Variants in ALMS1 observed in about 807,000 individuals in gnomAD.
ALMS1 encodes centrosome-associated protein ALMS1.
ALMS1 carries 271 observed loss-of-function variants against 352.2 expected under a neutral mutation model. The observed-to-expected ratio is 0.77, with a 90% confidence interval of 0.70 to 0.85. The LOEUF (loss-of-function observed/expected upper bound fraction) is 0.85, where lower values mean the gene tolerates loss of function less well. Ranked by LOEUF, ALMS1 falls within the 40% of genes least tolerant of loss-of-function variation. ALMS1 has a pLI of 0.00. For missense variants in ALMS1, 5,445 were observed against 4,870.7 expected, an observed-to-expected ratio of 1.12 and a Z score of -3.51; for synonymous variants, 1,865 against 1,761.2, an observed-to-expected ratio of 1.06 and a Z score of -1.48.
chr2:73,547,091 T>G (rs1180470783), intron 12 of ALMS1, among the ~76,000 whole-genome samples: 3 of 152,252 alleles, frequency 2.0e-5, no homozygotes, highest in African/African-American at 7.2e-5. Flanking sequence ...ATGAACTATT[T>G]GATACTGTAT....
At chr2:73,608,280 A>C (rs765422399) in intron 21 of ALMS1, among the ~76,000 whole-genome samples, 195 bp from the exon 22 acceptor site, 2 of 151,970 alleles carry the variant, frequency 1.3e-5, no homozygotes, top group Non-Finnish European at 2.9e-5. Context: ...GTTTGTATTT[A>C]TCTCCCCTTC....
intron 1 of ALMS1, among the ~76,000 whole-genome samples, chr2:73,394,433 C>T (rs1224335682): frequency 6.6e-6 from 1 of 152,118 alleles, no homozygotes; most frequent in Non-Finnish European, 1.5e-5. Flanking sequence ...CTCACTGAAA[C>T]CTCTGCCTCC....
chr2:73,402,270 CTTTTT>C (rs61360284), intron 1 of ALMS1, among the ~76,000 whole-genome samples: 1 of 122,832 alleles, frequency 8.1e-6, no homozygotes, highest in African/African-American at 3.1e-5. Context: ...TTCTCTCTCT[CTTTTT>C]TTTTTTTTTT....
At chr2:73,495,610 C>G (rs1473656719) in intron 10 of ALMS1, among the ~76,000 whole-genome samples, 1 of 152,008 alleles carries the variant, frequency 6.6e-6, no homozygotes, top group Non-Finnish European at 1.5e-5. Context: ...CTGGCATGCT[C>G]ATTGCTGGTG....
rs554074533 is a variant in ALMS1 at position 73,461,588 on chromosome 2, G to A, written c.7674+6293G>A. Among the ~76,000 whole-genome samples the A allele has an allele frequency of 1.4e-3, 213 of 152,306 alleles. 1 individual carries two copies. The highest frequency in any genetic ancestry group is 4.7e-3 in the African/African-American group (197 of 41,562). ...AGGAACGCAGCTCCTCAGCAGCAAC[G>A]GAACAAAGCTGGATGGACAATGACT... is the stretch of plus-strand genomic sequence containing the variant. On this transcript the variant is annotated intron_variant, in intron 9 of 22. Coordinates refer to ENST00000613296, the MANE Select transcript of ALMS1 (RefSeq NM_001378454.1).
chr2:73,475,973 G>A (rs1266217494), intron 9 of ALMS1, among the ~76,000 whole-genome samples: 1 of 151,726 alleles, frequency 6.6e-6, no homozygotes, highest in African/African-American at 2.4e-5. Flanking sequence ...CATTCATATT[G>A]TTGTTTAACC....
rs1282200470 is a variant in ALMS1, at chr2:73,450,537, C to T, written c.4010C>T (p.Thr1337Ile). 6.2e-7 allele frequency: 1 copy of T among 1,612,538 alleles called. No individual in the cohort carries two copies. Among genetic ancestry groups the T allele is most frequent in the African/African-American group, 1.3e-5 (1 of 74,358 alleles). The change falls in exon 8 of 23, where the codon ACA becomes ATA. Residue 1337 changes from threonine (T) to isoleucine (I), a missense_variant. Coordinates refer to ENST00000613296, the MANE Select transcript of ALMS1 (RefSeq NM_001378454.1). Reference protein sequence around the residue: ...PILPSTFYSHTEKPGVFYQQV... With the variant: ...PILPSTFYSHIEKPGVFYQQV... Reference sequence around the variant, plus strand: ...TTACCCTCTACTTTCTACTCACACACAGAGAAGCCTGGTGTTTTCTACCAA... The same window carrying T: ...TTACCCTCTACTTTCTACTCACACATAGAGAAGCCTGGTGTTTTCTACCAA...
At position 73,489,863 on chromosome 2, in the gene ALMS1, A is replaced by C; in HGVS notation, c.7904A>C (p.Gln2635Pro). ...GTCAACCTTTCTGCATCCTTAGACC[A>C]GAACAACTCCCATTTCAAAGTTTGG... ...KHVNLSASLD[Q>P]NNSHFKVWNS... Residue 2635 changes from glutamine (Q) to proline (P), a missense_variant, in exon 10 of 23, where the codon CAG becomes CCG. Gln to Pro is a moderately conservative substitution (Grantham distance 76). Transcript: ENST00000613296. The C allele has an allele frequency of 1.2e-6, 2 of 1,614,226 alleles. No homozygotes were observed. Among genetic ancestry groups the C allele is most frequent in the Non-Finnish European group, 1.7e-6 (2 of 1,180,038 alleles).
At chr2:73,474,403 G>GTGTGTC (rs1553407465) in intron 9 of ALMS1, among the ~76,000 whole-genome samples, 7,782 of 99,312 alleles carry the variant, frequency 0.078, 884 homozygotes, top group African/African-American at 0.25. Context: ...GTGTGTGTGT[G>GTGTGTC]TGTGTGTCTA....
chr2:73,596,702 G>T (rs1347271711), intron 16 of ALMS1, among the ~76,000 whole-genome samples: 1 of 151,642 alleles, frequency 6.6e-6, no homozygotes, highest in African/African-American at 2.4e-5. Context: ...GAACTCCTGA[G>T]TTTGTCATCT....
At chr2:73,493,839 CAG>C (rs369951849) in intron 10 of ALMS1, among the ~76,000 whole-genome samples, 1 of 152,326 alleles carries the variant, frequency 6.6e-6, no homozygotes, top group African/African-American at 2.4e-5. Context: ...AGAAATAGCA[CAG>C]AGAGTTTCTG....
At chr2:73,521,580 C>CAAAAAAAAAAA (rs565126393) in intron 11 of ALMS1, among the ~76,000 whole-genome samples, 1 of 94,892 alleles carries the variant, frequency 1.1e-5, no homozygotes, top group South Asian at 4.1e-4. Context: ...ACTAAAAATA[C>CAAAAAAAAAAA]AAAAAAAAAA....
chr2:73,408,703 G>A lies in ALMS1; in HGVS notation c.406G>A (p.Val136Ile), dbSNP rs1187456366. The A allele has an allele frequency of 1.9e-6, 3 of 1,613,372 alleles. No homozygotes were observed. The highest frequency in any genetic ancestry group is 2.5e-6 in the Non-Finnish European group (3 of 1,179,808). The change falls in exon 2 of 23, where the codon GTC becomes ATC. Residue 136 changes from valine to isoleucine, a missense_variant. Physicochemically the swap from Val to Ile is conservative, Grantham distance 29. Transcript: ENST00000613296. ...AACACAAATTTCTGATACTAATGTG[G>A]TCTGTTTGGAAACAACAGCTCAGCG... is the stretch of plus-strand genomic sequence containing the variant. ...SRTQISDTNV[V>I]CLETTAQRGS...
At chr2:73,467,857 C>T (rs1482810355) in intron 9 of ALMS1, among the ~76,000 whole-genome samples, 1 of 151,980 alleles carries the variant, frequency 6.6e-6, no homozygotes, top group Non-Finnish European at 1.5e-5. Context: ...TGAATAATTC[C>T]ATTCATATGA....
At chr2:73,501,471 T>G (rs1673217078) in intron 10 of ALMS1, among the ~76,000 whole-genome samples, 2 of 152,148 alleles carry the variant, frequency 1.3e-5, no homozygotes, top group Admixed American at 1.3e-4. Flanking sequence ...GTGATCTGTT[T>G]CCAAATTCTC....
At position 73,386,094 on chromosome 2, in the gene ALMS1, G is replaced by T; in HGVS notation, c.226G>T (p.Ala76Ser). The change falls in exon 1 of 23, where the codon GCC (alanine) becomes TCC (serine). Residue 76 changes from alanine to serine, a missense_variant. Physicochemically the swap from Ala to Ser is moderately conservative, Grantham distance 99. Coordinates refer to ENST00000613296, the MANE Select transcript of ALMS1 (RefSeq NM_001378454.1). ...TATAGACGACGAGGAGGACGAGGAG[G>T]CCAAGGCCTGGCTGCAGGCGCACCC... is the stretch of plus-strand genomic sequence containing the variant. ...ESIDDEEDEE[A>S]KAWLQAHPGR... The T allele has an allele frequency of 6.3e-7, 1 of 1,595,172 alleles. No homozygotes were observed. The highest frequency in any genetic ancestry group is 8.5e-7 in the Non-Finnish European group (1 of 1,171,490).
chr2:73,467,689 T>A (rs556673718), intron 9 of ALMS1, among the ~76,000 whole-genome samples: 8 of 152,140 alleles, frequency 5.3e-5, no homozygotes, highest in Non-Finnish European at 7.4e-5. Flanking sequence ...ACTACATAAA[T>A]GTATATCAAG....
intron 15 of ALMS1, among the ~76,000 whole-genome samples, chr2:73,566,496 C>G (rs1199185055): frequency 6.6e-6 from 1 of 152,236 alleles, no homozygotes; most frequent in Non-Finnish European, 1.5e-5. Flanking sequence ...CATCATACTA[C>G]TCACAACGAC....
At chr2:73,482,567 T>G (rs1182001460) in intron 9 of ALMS1, among the ~76,000 whole-genome samples, 1 of 152,214 alleles carries the variant, frequency 6.6e-6, no homozygotes, top group Non-Finnish European at 1.5e-5. Flanking sequence ...TGCCTGGCTT[T>G]GGTATCAGAA....
Sources: gnomAD v4.1 joint callset for allele counts (sites outside exome capture counted in the v4.1 genomes callset) on GRCh38, gnomAD v4.1.1 for gene constraint, MANE v1.5 for transcripts, NCBI Gene and HGNC (gene_info 2026-07-23, HGNC 2026-07-21) for gene names.